The following CDC73 variants were observed in gnomAD, a reference collection of about 807,000 sequenced individuals.
CDC73 encodes cell division cycle 73.
In CDC73, 21 loss-of-function variants were observed where a neutral mutation model predicts 83.7. The ratio of observed to expected loss-of-function variants is 0.25; its 90% CI spans 0.18 to 0.36. The LOEUF (loss-of-function observed/expected upper bound fraction) is 0.36, where lower values mean the gene tolerates loss of function less well. Among genes scored for constraint, CDC73 ranks in the 10% least tolerant of loss-of-function variants. The pLI, the probability that CDC73 is intolerant of heterozygous loss-of-function variation, is 1.00. For missense variants in CDC73, 342 were observed against 653.3 expected, an observed-to-expected ratio of 0.52 and a Z score of 5.19; for synonymous variants, 224 against 212.9, an observed-to-expected ratio of 1.05 and a Z score of -0.45.
chr1:193,220,687 G>T (rs1443278208), intron 13 of CDC73, among the ~76,000 whole-genome samples: 1 of 152,046 alleles, frequency 6.6e-6, no homozygotes, highest in Non-Finnish European at 1.5e-5. Flanking sequence ...ACTTTTGAAT[G>T]ACAAAATATT....
At chr1:193,136,865 A>G (rs1420796460) in intron 5 of CDC73, among the ~76,000 whole-genome samples, 2 of 152,174 alleles carry the variant, frequency 1.3e-5, no homozygotes, top group Non-Finnish European at 1.5e-5. Flanking sequence ...AAGGGATGCC[A>G]TTTATTTGAA....
At chr1:193,123,999 G>T (rs1236017060) in intron 1 of CDC73, among the ~76,000 whole-genome samples, 1 of 152,186 alleles carries the variant, frequency 6.6e-6, no homozygotes, top group Non-Finnish European at 1.5e-5. Flanking sequence ...AGAATAGGTA[G>T]GAATTCTCTG....
chr1:193,222,772 T>TG (rs397823788), intron 13 of CDC73, among the ~76,000 whole-genome samples: 1 of 150,436 alleles, frequency 6.6e-6, no homozygotes, highest in Non-Finnish European at 1.5e-5. Context: ...TTTTTTTTTT[T>TG]GCATATGTTC....
chr1:193,243,944 C>T (rs1039574727), intron 15 of CDC73, among the ~76,000 whole-genome samples: 2 of 152,092 alleles, frequency 1.3e-5, no homozygotes, highest in South Asian at 2.1e-4. Context: ...CAATATGAAA[C>T]AAGCAATCCA....
chr1:193,234,872 T>C (rs1431318296), intron 14 of CDC73, among the ~76,000 whole-genome samples: 2 of 150,290 alleles, frequency 1.3e-5, no homozygotes, highest in Non-Finnish European at 2.9e-5. Flanking sequence ...ATTTTTTAAC[T>C]TAAGATTTAA....
chr1:193,130,566 C>T (rs1558280350), intron 3 of CDC73, among the ~76,000 whole-genome samples: 1 of 152,200 alleles, frequency 6.6e-6, no homozygotes, highest in Non-Finnish European at 1.5e-5. Flanking sequence ...AGTAAGATTT[C>T]ATGTTTAAAA....
chr1:193,181,059 TCTTCTAG>T (rs746926626), intron 10 of CDC73: 1 of 1,614,004 alleles, frequency 6.2e-7, no homozygotes, highest in South Asian at 1.1e-5. Context: ...GCCGAATAGC[TCTTCTAG>T]CTTCTATTTG....
At chr1:193,194,738 A>G (rs1215439912) in intron 10 of CDC73, among the ~76,000 whole-genome samples, 1 of 152,176 alleles carries the variant, frequency 6.6e-6, no homozygotes, top group Non-Finnish European at 1.5e-5. Flanking sequence ...TTTAATCAGT[A>G]GGTACGTAAA....
intron 10 of CDC73, among the ~76,000 whole-genome samples, chr1:193,188,593 T>C (rs1001911975): frequency 1.3e-5 from 2 of 152,176 alleles, no homozygotes; most frequent in Non-Finnish European, 2.9e-5. Context: ...TTATTAAGTA[T>C]AGGGGATACA....
chr1:193,165,428 A>T (rs1317107472), intron 10 of CDC73, among the ~76,000 whole-genome samples: 5 of 152,208 alleles, frequency 3.3e-5, no homozygotes, highest in Non-Finnish European at 5.9e-5. Context: ...TATAAAGAAG[A>T]CTTTATGTAT....
intron 15 of CDC73, among the ~76,000 whole-genome samples, chr1:193,247,504 C>T (rs1197284570): frequency 6.6e-6 from 1 of 152,020 alleles, no homozygotes; most frequent in Non-Finnish European, 1.5e-5. Flanking sequence ...AGTTGCACAT[C>T]TCTCATTTTA....
At chr1:193,161,373 C>A (rs897402714) in intron 10 of CDC73, among the ~76,000 whole-genome samples, 1 of 151,204 alleles carries the variant, frequency 6.6e-6, no homozygotes, top group African/African-American at 2.4e-5. Context: ...ATTTTAAGAT[C>A]TTACTTTTGT....
At chr1:193,170,947 A>G (rs779512731) in intron 10 of CDC73, among the ~76,000 whole-genome samples, 5 of 152,222 alleles carry the variant, frequency 3.3e-5, no homozygotes, top group Non-Finnish European at 5.9e-5. Flanking sequence ...ATCAGGAGGC[A>G]GTTAAGTCTG....
At chr1:193,131,139 C>T (rs1313423810) in intron 3 of CDC73, among the ~76,000 whole-genome samples, 6 of 152,060 alleles carry the variant, frequency 3.9e-5, no homozygotes, top group Non-Finnish European at 7.4e-5. Context: ...AACATGTTTC[C>T]TTGAATGTTG....
At chr1:193,226,146 A>C (rs1448942014) in intron 13 of CDC73, among the ~76,000 whole-genome samples, 2 of 152,142 alleles carry the variant, frequency 1.3e-5, no homozygotes, top group African/African-American at 4.8e-5. Context: ...GTGACTTGCC[A>C]ATTATCCCAG....
At chr1:193,241,492 G>T (rs757273664) in intron 15 of CDC73, among the ~76,000 whole-genome samples, 57 of 152,348 alleles carry the variant, frequency 3.7e-4, no homozygotes, top group Admixed American at 1.4e-3. Flanking sequence ...CAGTGGCAGT[G>T]GTGAGCCTGG....
At position 193,161,746 on chromosome 1, in the gene CDC73, ATAT is replaced by A. The variant is rs1449686424; in HGVS notation, c.972+9306_972+9308del. Among the ~76,000 whole-genome samples the A allele has an allele frequency of 1.7e-4, 5 of 28,880 alleles. 2 individuals are homozygous for A. Among genetic ancestry groups the A allele is most frequent in the Non-Finnish European group, 3.3e-4 (5 of 15,350 alleles). 18.9% of individuals were successfully genotyped at this position (28,880 alleles called of 152,430 possible). ...ATATATATAATATATAATATATATC[ATAT>A]TATATTGTATATAATATATATCATA... On this transcript the variant is annotated intron_variant, in intron 10 of 16. Transcript: ENST00000367435.
intron 10 of CDC73, among the ~76,000 whole-genome samples, chr1:193,154,877 C>T (rs1338936672): frequency 6.6e-6 from 1 of 152,038 alleles, no homozygotes; most frequent in Non-Finnish European, 1.5e-5. Context: ...AAAGTTTCTC[C>T]TTTATAATAT....
At chr1:193,153,085 A>G (rs550771169) in intron 10 of CDC73, among the ~76,000 whole-genome samples, 8 of 152,206 alleles carry the variant, frequency 5.3e-5, no homozygotes, top group Non-Finnish European at 1.2e-4. Flanking sequence ...TAACAATGTA[A>G]TGTCTTTCGC....
Sources: allele counts gnomAD v4.1 joint callset (sites outside exome capture counted in the v4.1 genomes callset), GRCh38; gene constraint gnomAD v4.1.1; transcripts MANE v1.5; gene names NCBI Gene and HGNC (gene_info 2026-07-23, HGNC 2026-07-21).